Variants in BRI3BP observed in about 807,000 individuals in gnomAD.
BRI3BP encodes the protein BRI3 binding protein, also known as BRI3-binding protein.
BRI3BP carries 7 observed loss-of-function variants against 15.8 expected under a neutral mutation model. The observed-to-expected ratio is 0.44, with a 90% CI of 0.25 to 0.83. The LOEUF (loss-of-function observed/expected upper bound fraction) is 0.83, where lower values mean the gene tolerates loss of function less well. BRI3BP is among the 40% of genes least tolerant of loss of function. The pLI is 0.20. For synonymous variants in BRI3BP, 192 were observed against 163.5 expected (o/e 1.17, Z -1.33); for missense variants, 320 against 339.3 (o/e 0.94, Z 0.45).
intron 2 of BRI3BP, among the ~76,000 whole-genome samples, chr12:125,022,541 A>ATTTATTTATTTATTTATTTATTTATTT: frequency 1.4e-5 from 2 of 139,404 alleles, no homozygotes; most frequent in African/African-American, 2.9e-5. Context: ...TTATTTATTT[A>ATTTATTTATTTATTTATTTATTTATTT]TTTTTTGAGA....
At chr12:125,041,381 C>T in the BRI3BP span, among the ~76,000 whole-genome samples, 1 of 152,068 alleles carries the variant, frequency 6.6e-6, no homozygotes, top group African/African-American at 2.4e-5. Flanking sequence ...TTAACACTTA[C>T]ATATTTTTTG....
the BRI3BP span, among the ~76,000 whole-genome samples, chr12:125,040,642 C>T: frequency 6.6e-6 from 1 of 151,994 alleles, no homozygotes; most frequent in Non-Finnish European, 1.5e-5. Context: ...TGCGCCCCAC[C>T]TCAAAGTATA....
chr12:125,014,455 G>A (rs554723179), intron 2 of BRI3BP, among the ~76,000 whole-genome samples: 203 of 152,294 alleles, frequency 1.3e-3, no homozygotes, highest in Non-Finnish European at 1.9e-3. Context: ...ACGGAAGGAC[G>A]CAAACACCAT....
intron 2 of BRI3BP, among the ~76,000 whole-genome samples, chr12:125,023,014 C>T (rs1396446651): frequency 6.6e-6 from 1 of 152,152 alleles, no homozygotes. Context: ...GAATATTCTA[C>T]TGTTCTTTTA....
chr12:125,007,117 T>A (rs1415878277), intron 1 of BRI3BP, among the ~76,000 whole-genome samples: 1 of 152,026 alleles, frequency 6.6e-6, no homozygotes, highest in African/African-American at 2.4e-5. Context: ...GAGAATTGCT[T>A]GAATCCACAA....
chr12:125,041,348 G>A, the BRI3BP span, among the ~76,000 whole-genome samples: 82,163 of 151,942 alleles, frequency 0.54, 24,228 homozygotes, highest in East Asian at 0.69. Flanking sequence ...GAGCCACCAC[G>A]CCCAGCATTA....
chr12:125,045,213 T>C, the BRI3BP span, among the ~76,000 whole-genome samples: 1 of 151,930 alleles, frequency 6.6e-6, no homozygotes, highest in Admixed American at 6.6e-5. Context: ...CACATAAGAG[T>C]GTAAAACTGG....
rs1376400579 is a variant in BRI3BP at position 125,025,829 on chromosome 12, G to A, written c.*399G>A. ...TATTAAAACTTTACATGGAGGGGAA[G>A]AATATGCTAATTTGACATTTGAGAA... On this transcript the variant is annotated 3_prime_UTR_variant, in exon 3 of 3. Coordinates refer to ENST00000341446, the MANE Select transcript of BRI3BP (RefSeq NM_080626.6). 6.2e-6 allele frequency: 1 copy of A among 160,814 alleles called. No homozygotes were observed. The highest frequency in any genetic ancestry group is 2.4e-5 in the African/African-American group (1 of 41,812). The allele number at this position is 160,814 out of a possible 1,614,324, so 10.0% of individuals were successfully genotyped here. A position where few individuals can be genotyped will look rare whatever the true frequency, so the allele number is the denominator to read the frequency against.
In BRI3BP at chr12:125,025,812, CTT is replaced by C. The variant is rs1049888458; in HGVS notation, c.*384_*385del. 1 of 167,242 alleles carries C rather than the reference CTT, an allele frequency of 6.0e-6. No homozygotes were observed. The highest frequency in any genetic ancestry group is 1.3e-5 in the Non-Finnish European group (1 of 78,514). 10.4% of individuals were successfully genotyped at this position (167,242 alleles called of 1,614,324 possible). On this transcript the variant is annotated 3_prime_UTR_variant, in exon 3 of 3. Coordinates refer to ENST00000341446, the MANE Select transcript of BRI3BP (RefSeq NM_080626.6). ...GCAGATTGAGTCAAGTTTATTAAAA[CTT>C]TACATGGAGGGGAAGAATATGCTAA...
chr12:125,025,151 G>C lies in BRI3BP; in HGVS notation c.477G>C (p.Trp159Cys). The change falls in exon 3 of 3, where the codon TGG becomes TGC. Residue 159 changes from tryptophan to cysteine, a missense_variant. By Grantham distance (215) the Trp-to-Cys change is radical (BLOSUM62 -2). Coordinates refer to ENST00000341446, the MANE Select transcript of BRI3BP (RefSeq NM_080626.6). ...VLHVVFGRFFWIVRVVLFSMS... is the reference protein window; with the variant it reads ...VLHVVFGRFFCIVRVVLFSMS... ...ACGTGGTGTTCGGCCGCTTCTTCTGGATCGTGCGGGTCGTCCTGTTTTCCA... is the reference window on the plus strand; with the variant it reads ...ACGTGGTGTTCGGCCGCTTCTTCTGCATCGTGCGGGTCGTCCTGTTTTCCA... The C allele has an allele frequency of 6.2e-7, 1 of 1,614,130 alleles. No individual in the cohort carries two copies. Among genetic ancestry groups the C allele is most frequent in the Non-Finnish European group, 8.5e-7 (1 of 1,180,042 alleles).
the BRI3BP span, among the ~76,000 whole-genome samples, chr12:125,049,074 G>A: frequency 1.3e-5 from 2 of 152,140 alleles, no homozygotes; most frequent in Non-Finnish European, 2.9e-5. Flanking sequence ...TTCTCCTCCT[G>A]CCTCAGCCTC....
chr12:125,041,693 CA>C, the BRI3BP span, among the ~76,000 whole-genome samples: 1 of 152,258 alleles, frequency 6.6e-6, no homozygotes, highest in East Asian at 1.9e-4. Context: ...ACTACATGAG[CA>C]AATAAGTACG....
Position 125,027,278 on chromosome 12 carries a change from A to G in BRI3BP, c.*1848A>G, listed in dbSNP as rs1443023101. ...TGAGACTTCTGTTTCTAAGGTACAC[A>G]TGATGGGACCCAAACTCTCCTGGAG... On this transcript the variant is annotated 3_prime_UTR_variant, in exon 3 of 3. Coordinates refer to ENST00000341446, the MANE Select transcript of BRI3BP (RefSeq NM_080626.6). The G allele has an allele frequency of 6.6e-6, 1 of 152,172 alleles. No individual in the cohort carries two copies. The highest frequency in any genetic ancestry group is 1.5e-5 in the Non-Finnish European group (1 of 68,040). 9.4% of individuals were successfully genotyped at this position (152,172 alleles called of 1,614,324 possible).
intron 2 of BRI3BP, among the ~76,000 whole-genome samples, chr12:125,024,236 T>C (rs981144522): frequency 4.8e-5 from 7 of 147,312 alleles, no homozygotes; most frequent in Non-Finnish European, 7.4e-5. Flanking sequence ...TGCCAAACAC[T>C]TAAACCATCA....
chr12:125,007,560 A>G (rs1399014065), intron 1 of BRI3BP, among the ~76,000 whole-genome samples: 2 of 151,898 alleles, frequency 1.3e-5, no homozygotes, highest in Admixed American at 1.3e-4. Flanking sequence ...GGAAAAAAAA[A>G]TGTAACAGGA....
At chr12:124,998,219 G>A (rs1176864389) in intron 1 of BRI3BP, among the ~76,000 whole-genome samples, 3 of 152,238 alleles carry the variant, frequency 2.0e-5, no homozygotes, top group African/African-American at 7.2e-5. Flanking sequence ...TTGAGCCCGG[G>A]AGGCTGACGT....
the BRI3BP span, among the ~76,000 whole-genome samples, chr12:125,046,507 G>A: frequency 6.6e-6 from 1 of 152,162 alleles, no homozygotes; most frequent in African/African-American, 2.4e-5. Flanking sequence ...AGAGGTTGCA[G>A]TGAGCTGAGA....
chr12:125,008,362 GAGTGC>G (rs1955166641), intron 1 of BRI3BP, among the ~76,000 whole-genome samples: 1 of 144,116 alleles, frequency 6.9e-6, no homozygotes. Context: ...GCCCAGGCTG[GAGTGC>G]AGTGGCGCGA....
intron 2 of BRI3BP, among the ~76,000 whole-genome samples, chr12:125,024,521 T>C (rs958691794): frequency 6.6e-6 from 1 of 152,148 alleles, no homozygotes; most frequent in Non-Finnish European, 1.5e-5. Flanking sequence ...CTTCCCTGGC[T>C]GGGCATGGTG....
Sources: gnomAD v4.1 joint callset for allele counts (sites outside exome capture counted in the v4.1 genomes callset) on GRCh38, gnomAD v4.1.1 for gene constraint, MANE v1.5 for transcripts, NCBI Gene and HGNC (gene_info 2026-07-23, HGNC 2026-07-21) for gene names.